Variants in CATSPERE observed in about 807,000 individuals in gnomAD.
CATSPERE encodes catsper channel auxiliary subunit epsilon.
A neutral mutation model predicts 114.1 loss-of-function variants in CATSPERE; 93 were observed. The ratio of observed to expected loss-of-function variants is 0.81; its 90% CI spans 0.69 to 0.97. CATSPERE has a LOEUF of 0.97. Among genes scored for constraint, CATSPERE ranks in the 50% least tolerant of loss-of-function variants. CATSPERE has a pLI of 0.00. For missense variants in CATSPERE, 1,058 were observed against 1,131.6 expected (o/e 0.93, Z 0.93); for synonymous variants, 341 against 384.1 (o/e 0.89, Z 1.31).
intron 8 of CATSPERE, among the ~76,000 whole-genome samples, chr1:244,535,296 C>T (rs3005975): frequency 0.86 from 130,675 of 152,120 alleles, 57,064 homozygotes; most frequent in East Asian, 0.96. Flanking sequence ...TAGGGCTCTA[C>T]AACCAGCAGG....
At chr1:244,471,620 A>C (rs1409202092) in intron 2 of CATSPERE, among the ~76,000 whole-genome samples, 1 of 152,218 alleles carries the variant, frequency 6.6e-6, no homozygotes, top group African/African-American at 2.4e-5. Flanking sequence ...ATAGTCATAG[A>C]AACAAAACCA....
At chr1:244,507,552 T>C (rs1397688304) in intron 7 of CATSPERE, among the ~76,000 whole-genome samples, 4 of 152,214 alleles carry the variant, frequency 2.6e-5, no homozygotes, top group Non-Finnish European at 5.9e-5. Context: ...AGCTGTAAAA[T>C]GTTTGCCCAG....
intron 6 of CATSPERE, among the ~76,000 whole-genome samples, chr1:244,495,861 C>T (rs1234124259): frequency 6.6e-6 from 1 of 152,092 alleles, no homozygotes; most frequent in Non-Finnish European, 1.5e-5. Context: ...TAAGGGATTA[C>T]CCAGATTTCA....
chr1:244,627,645 T>C (rs1350733034), intron 20 of CATSPERE, among the ~76,000 whole-genome samples: 1 of 152,156 alleles, frequency 6.6e-6, no homozygotes, highest in Non-Finnish European at 1.5e-5. Context: ...ATGATGTTTA[T>C]AAAAATCAAA....
At chr1:244,552,178 A>T in intron 8 of CATSPERE, 144 bp from the exon 9 acceptor site, 1 of 909,284 alleles carries the variant, frequency 1.1e-6, no homozygotes, top group Non-Finnish European at 1.5e-6. Context: ...ACAATGTGGC[A>T]GTGGTTGCAT....
chr1:244,632,519 T>C (rs1319173330), intron 20 of CATSPERE, among the ~76,000 whole-genome samples: 3 of 151,340 alleles, frequency 2.0e-5, no homozygotes, highest in Non-Finnish European at 2.9e-5. Flanking sequence ...ATTAGAAGCA[T>C]AGTGTTTTAA....
At chr1:244,491,668 A>G (rs991925481) in intron 6 of CATSPERE, among the ~76,000 whole-genome samples, 75 of 152,210 alleles carry the variant, frequency 4.9e-4, no homozygotes, top group Non-Finnish European at 3.7e-4. Context: ...GGTTTTTTGA[A>G]AAGACCAACA....
At chr1:244,531,115 C>A (rs3005940) in intron 8 of CATSPERE, among the ~76,000 whole-genome samples, 19,462 of 151,030 alleles carry the variant, frequency 0.13, 2,179 homozygotes, top group African/African-American at 0.3. Context: ...ATGTGCCTGT[C>A]ATCCCAGCTA....
chr1:244,491,492 G>A (rs1220971809), intron 6 of CATSPERE, among the ~76,000 whole-genome samples: 1 of 151,828 alleles, frequency 6.6e-6, no homozygotes, highest in African/African-American at 2.4e-5. Flanking sequence ...AGAGAAAGCA[G>A]GAAAGATCCA....
chr1:244,586,185 G>C (rs1292274171), intron 13 of CATSPERE, among the ~76,000 whole-genome samples: 1 of 152,140 alleles, frequency 6.6e-6, no homozygotes, highest in Non-Finnish European at 1.5e-5. Flanking sequence ...GGTACTCTAG[G>C]AAACAGGATT....
At chr1:244,491,877 T>C (rs959529440) in intron 6 of CATSPERE, among the ~76,000 whole-genome samples, 1 of 152,208 alleles carries the variant, frequency 6.6e-6, no homozygotes, top group East Asian at 1.9e-4. Context: ...ACATACACTC[T>C]CCCAAGACTA....
intron 8 of CATSPERE, among the ~76,000 whole-genome samples, chr1:244,523,358 T>A (rs112699284): frequency 6.9e-6 from 1 of 144,302 alleles, no homozygotes; most frequent in Non-Finnish European, 1.5e-5. Flanking sequence ...GAGCTATCTA[T>A]GACAAAGCCA....
At chr1:244,621,116 A>T (rs1234825069) in intron 20 of CATSPERE, among the ~76,000 whole-genome samples, 4,722 of 32,314 alleles carry the variant, frequency 0.15, 1,754 homozygotes, top group Non-Finnish European at 0.19. Context: ...ATATATATAT[A>T]ATATATATAT....
intron 8 of CATSPERE, among the ~76,000 whole-genome samples, chr1:244,542,920 C>T (rs1659090347): frequency 6.6e-6 from 1 of 152,084 alleles, no homozygotes; most frequent in South Asian, 2.1e-4. Context: ...GAGGTATCAC[C>T]TCATACCTAT....
intron 9 of CATSPERE, among the ~76,000 whole-genome samples, chr1:244,560,402 C>T (rs932546105): frequency 6.5e-4 from 6 of 9,254 alleles, no homozygotes; most frequent in Non-Finnish European, 4.1e-4. Context: ...GAGACTTGGG[C>T]GGGGGTGGGG....
At chr1:244,541,343 G>A (rs201591210) in intron 8 of CATSPERE, among the ~76,000 whole-genome samples, 21 of 149,672 alleles carry the variant, frequency 1.4e-4, no homozygotes, top group East Asian at 3.9e-4. Flanking sequence ...AAAAGTGGGC[G>A]AAGGACATGA....
At chr1:244,626,624 C>T (rs1573083638) in intron 20 of CATSPERE, among the ~76,000 whole-genome samples, 1 of 152,112 alleles carries the variant, frequency 6.6e-6, no homozygotes, top group African/African-American at 2.4e-5. Flanking sequence ...TCAGTGGCTG[C>T]AGCTTCTCCA....
rs1553369188 is a variant in CATSPERE at position 244,578,843 on chromosome 1, T to TACAC, written c.1951-2943_1951-2940dup. Among the ~76,000 whole-genome samples, 5 of 139,594 alleles carry TACAC rather than the reference T, an allele frequency of 3.6e-5. No homozygotes were observed. In the Middle Eastern group the frequency reaches 0.011, roughly 308 times the overall value. The allele number at this position is 139,594 out of a possible 152,430, so 91.6% of individuals were successfully genotyped here. On this transcript the variant is annotated intron_variant, in intron 11 of 21. Transcript: ENST00000366534. The stretch of plus-strand genomic sequence containing the variant: ...ATATACATATATATATATATATATA[T>TACAC]ACACACACACACAGGTACATATCAA...
rs377170508 is a variant in CATSPERE, at chr1:244,491,357, C to A, written c.351+886C>A. Among the ~76,000 whole-genome samples, 7 of 152,002 alleles carry A rather than the reference C, an allele frequency of 4.6e-5. No individual in the cohort carries two copies. In the South Asian group the frequency reaches 8.3e-4, roughly 18 times the overall value. On this transcript the variant is annotated intron_variant, in intron 6 of 21. Transcript: ENST00000366534. ...TCCTGAATGACTACTGGGTACATAACGAAATGAAGGCAGAAATAAAGATGT... is the reference window on the plus strand; with the variant it reads ...TCCTGAATGACTACTGGGTACATAAAGAAATGAAGGCAGAAATAAAGATGT...
Sources: gnomAD v4.1 joint callset for allele counts (sites outside exome capture counted in the v4.1 genomes callset) on GRCh38, gnomAD v4.1.1 for gene constraint, MANE v1.5 for transcripts, NCBI Gene and HGNC (gene_info 2026-07-23, HGNC 2026-07-21) for gene names.